The following FNTB variants were observed in gnomAD, a reference collection of about 807,000 sequenced individuals.
FNTB encodes the protein protein farnesyltransferase subunit beta.
In FNTB, 27 loss-of-function variants were observed where a neutral mutation model predicts 59.4. That is an observed-to-expected ratio of 0.45 (90% confidence interval 0.34 to 0.63). The LOEUF is 0.63. Ranked by LOEUF, FNTB falls within the 20% of genes least tolerant of loss-of-function variation. The pLI is 0.02. For missense variants in FNTB, 449 were observed against 559.6 expected (o/e 0.80, Z 1.99); for synonymous variants, 230 against 220.7 (o/e 1.04, Z -0.37).
rs143595505 is a variant in FNTB, at chr14:65,044,588, C to T, written c.955+145C>T. ...GAGTGCCCAGTGTGGAACCTCATGC[C>T]GTGGGGCATGCGAATGCAGAGTAAG... On this transcript the variant is annotated intron_variant, in intron 9 of 11. Coordinates refer to ENST00000246166, the MANE Select transcript of FNTB (RefSeq NM_002028.4). This position sits in a 1 kb window ranked among gnomAD's most constrained non-coding sequence, Gnocchi z 5.5. 1,035 of 1,218,234 alleles carry T rather than the reference C, an allele frequency of 8.5e-4. 8 individuals carry two copies. The African/African-American group carries it at 0.013, about 16-fold the overall frequency. 75.5% of individuals were successfully genotyped at this position (1,218,234 alleles called of 1,614,324 possible). A position where few individuals can be genotyped will look rare whatever the true frequency, so the allele number is the denominator to read the frequency against.
intron 11 of FNTB, among the ~76,000 whole-genome samples, chr14:65,059,704 TAA>T (rs1210884169): frequency 6.6e-6 from 1 of 152,112 alleles, no homozygotes; most frequent in Non-Finnish European, 1.5e-5. Flanking sequence ...GTGTCAAATC[TAA>T]AGTTTCTTTT....
At chr14:65,060,901 T>C (rs2062852043) in intron 11 of FNTB, among the ~76,000 whole-genome samples, 1 of 149,722 alleles carries the variant, frequency 6.7e-6, no homozygotes, top group Non-Finnish European at 1.5e-5. Flanking sequence ...AAAAACAGTT[T>C]GAGATAGTAT....
chr14:64,988,420 C>G (rs1293438470), intron 1 of FNTB, among the ~76,000 whole-genome samples: 1 of 147,834 alleles, frequency 6.8e-6, no homozygotes, highest in East Asian at 2.0e-4. Context: ...TACTTATTAT[C>G]TGACCTTAGA....
chr14:65,051,339 G>A (rs911799803), intron 9 of FNTB, among the ~76,000 whole-genome samples: 2 of 152,180 alleles, frequency 1.3e-5, no homozygotes, highest in Non-Finnish European at 2.9e-5. Context: ...GCTGGGTGCG[G>A]TGGCCCATGC....
chr14:65,043,196 A>T (rs566930218), intron 8 of FNTB, among the ~76,000 whole-genome samples: 1 of 152,190 alleles, frequency 6.6e-6, no homozygotes, highest in African/African-American at 2.4e-5. Context: ...TGGAAATGTC[A>T]TATCTGCTCA....
intron 2 of FNTB, among the ~76,000 whole-genome samples, chr14:65,008,154 C>T (rs2061625374): frequency 6.6e-6 from 1 of 152,190 alleles, no homozygotes; most frequent in Non-Finnish European, 1.5e-5. Context: ...TGCTTACATG[C>T]CAGGTGCTTA....
chr14:64,986,993 T>G lies in FNTB; in HGVS notation c.40T>G (p.Ser14Ala). 1 of 1,614,204 alleles carries G rather than the reference T, an allele frequency of 6.2e-7. No homozygotes were observed. The highest frequency in any genetic ancestry group is 1.1e-5 in the South Asian group (1 of 91,084). Reference sequence around the variant, plus strand: ...TTCTTTCACCTACTATTGCCCTCCATCTTCCTCCCCCGTCTGGTCAGAGCC... The same window carrying G: ...TTCTTTCACCTACTATTGCCCTCCAGCTTCCTCCCCCGTCTGGTCAGAGCC... ...PSSFTYYCPP[S>A]SSPVWSEPLY... The change falls in exon 1 of 12, where the codon TCT becomes GCT. Residue 14 changes from serine to alanine, a missense_variant. Physicochemically the swap from Ser to Ala is moderately conservative, Grantham distance 99 (BLOSUM62 1). Coordinates refer to ENST00000246166, the MANE Select transcript of FNTB (RefSeq NM_002028.4).
rs2061654264 is a variant in FNTB, at chr14:65,009,664, G to C, written c.210-2653G>C. Among the ~76,000 whole-genome samples, 1 of 152,010 alleles carries C rather than the reference G, an allele frequency of 6.6e-6. No individual in the cohort carries two copies. The highest frequency in any genetic ancestry group is 6.6e-5 in the Admixed American group (1 of 15,264). On this transcript the variant is annotated intron_variant, in intron 2 of 11. Transcript: ENST00000246166. The surrounding 1 kb of genome is among the most constrained non-coding windows in gnomAD (Gnocchi z 4.2). ...CCCTATGGATTTCCTCTGAGCTTTT[G>C]CATTTCTAATGTGGAATTTCTCTGC...
intron 4 of FNTB, among the ~76,000 whole-genome samples, chr14:65,017,510 C>T (rs960002072): frequency 6.6e-6 from 1 of 152,026 alleles, no homozygotes; most frequent in Non-Finnish European, 1.5e-5. Flanking sequence ...AGGCTGTGTA[C>T]TTGGTGTTTT....
chr14:65,038,256 A>G (rs1270074352), intron 7 of FNTB, among the ~76,000 whole-genome samples: 1 of 151,530 alleles, frequency 6.6e-6, no homozygotes, highest in Non-Finnish European at 1.5e-5. Flanking sequence ...AAAATATACA[A>G]AACATTAGCC....
intron 4 of FNTB, among the ~76,000 whole-genome samples, chr14:65,019,654 G>T (rs111978694): frequency 6.6e-5 from 10 of 152,206 alleles, no homozygotes; most frequent in African/African-American, 2.4e-4. Flanking sequence ...CTGCTTCACA[G>T]ATGCCTTAAA....
At chr14:65,051,072 G>A (rs1420284272) in intron 9 of FNTB, among the ~76,000 whole-genome samples, 5 of 152,210 alleles carry the variant, frequency 3.3e-5, no homozygotes, top group Non-Finnish European at 7.3e-5. Flanking sequence ...AAAGCATGTG[G>A]CCTGCAGCCA....
intron 7 of FNTB, among the ~76,000 whole-genome samples, chr14:65,040,136 G>A (rs776895974): frequency 3.9e-5 from 6 of 152,140 alleles, no homozygotes; most frequent in Non-Finnish European, 7.3e-5. Context: ...GCTGCAGTGA[G>A]CCATGATCTG....
chr14:64,990,164 G>A lies in FNTB; in HGVS notation c.144+3067G>A, dbSNP rs1230339507. On this transcript the variant is annotated intron_variant, in intron 1 of 11. Transcript: ENST00000246166. This position sits in a 1 kb window ranked among gnomAD's most constrained non-coding sequence, Gnocchi z 5.2. Reference sequence around the variant, plus strand: ...TAGGAGATGGGTCGGATCATGTAGGGTCTCATTGGCCTTTGGAAGTACTTT... The same window carrying A: ...TAGGAGATGGGTCGGATCATGTAGGATCTCATTGGCCTTTGGAAGTACTTT... Among the ~76,000 whole-genome samples, 1 of 152,186 alleles carries A rather than the reference G, an allele frequency of 6.6e-6. No homozygotes were observed. The highest frequency in any genetic ancestry group is 6.5e-5 in the Admixed American group (1 of 15,282).
chr14:65,054,959 G>C lies in FNTB; in HGVS notation c.1182+270G>C, dbSNP rs1387995273. 1.3e-5 allele frequency among the ~76,000 whole-genome samples: 2 copies of C among 152,200 alleles called. No homozygotes were observed. The highest frequency in any genetic ancestry group is 2.9e-5 in the Non-Finnish European group (2 of 68,030). ...GGGCTGAGGACCTAGCCCACTGCTG[G>C]TATTAGCTTCCCCTAGAGGAGGCCA... On this transcript the variant is annotated intron_variant, in intron 11 of 11. Transcript: ENST00000246166. This position sits in a 1 kb window ranked among gnomAD's most constrained non-coding sequence, Gnocchi z 4.4.
chr14:65,058,651 G>A (rs2062795471), intron 11 of FNTB, among the ~76,000 whole-genome samples: 2 of 152,110 alleles, frequency 1.3e-5, no homozygotes, highest in African/African-American at 4.8e-5. Context: ...TGATTTGCTA[G>A]GTTGTTTTTG....
chr14:65,004,405 G>A, intron 2 of FNTB, 92 bp downstream of exon 2: 2 of 1,335,226 alleles, frequency 1.5e-6, no homozygotes, highest in Non-Finnish European at 2.1e-6. Flanking sequence ...CTAACCACGG[G>A]GAGCATCTGC....
At chr14:65,053,391 G>A in intron 10 of FNTB, 42 bp downstream of exon 10, 1 of 1,363,252 alleles carries the variant, frequency 7.3e-7, no homozygotes, top group South Asian at 2.0e-5. Flanking sequence ...GAGGGGAGGA[G>A]AGAGCAGAGG....
chr14:65,057,116 C>T (rs937977340), intron 11 of FNTB, among the ~76,000 whole-genome samples: 8 of 152,334 alleles, frequency 5.3e-5, no homozygotes, highest in South Asian at 4.1e-4. Flanking sequence ...CCAAGGCACT[C>T]CTGAGGGATC....
Sources: gnomAD v4.1 joint callset for allele counts (sites outside exome capture counted in the v4.1 genomes callset) on GRCh38, gnomAD v4.1.1 for gene constraint, Gnocchi (gnomAD v3.1) non-coding constraint, MANE v1.5 for transcripts, NCBI Gene and HGNC (gene_info 2026-07-23, HGNC 2026-07-21) for gene names.